The following SPRED1 variants were observed in gnomAD, a reference collection of about 807,000 sequenced individuals.
SPRED1 encodes sprouty related EVH1 domain containing 1.
In SPRED1, 18 loss-of-function variants were observed where a neutral mutation model predicts 52.3. That is an observed-to-expected ratio of 0.34 (90% CI 0.24 to 0.51). The LOEUF (loss-of-function observed/expected upper bound fraction) is 0.51. Among genes scored for constraint, SPRED1 ranks in the 20% least tolerant of loss-of-function variants. The pLI, the probability that SPRED1 is intolerant of heterozygous loss-of-function variation, is 0.97. For missense variants in SPRED1, 485 were observed against 551.0 expected (o/e 0.88, Z 1.20); for synonymous variants, 155 against 179.7 (o/e 0.86, Z 1.10).
intron 1 of SPRED1, among the ~76,000 whole-genome samples, chr15:38,272,522 A>G (rs1404983061): frequency 6.6e-6 from 1 of 152,112 alleles, no homozygotes; most frequent in Admixed American, 6.5e-5. Flanking sequence ...TGCCTGCTTC[A>G]GCCTTCCAAA....
At chr15:38,300,361 A>G (rs1214697013) in intron 2 of SPRED1, among the ~76,000 whole-genome samples, 1 of 152,198 alleles carries the variant, frequency 6.6e-6, no homozygotes. Flanking sequence ...ATAAAGTCCC[A>G]AAATAGAGCC....
chr15:38,331,317 T>C (rs546734476), intron 4 of SPRED1, among the ~76,000 whole-genome samples: 16 of 152,250 alleles, frequency 1.1e-4, no homozygotes, highest in Admixed American at 9.8e-4. Flanking sequence ...GTATTTACAG[T>C]CTTTGTGCCT....
chr15:38,270,686 G>T (rs184811982), intron 1 of SPRED1, among the ~76,000 whole-genome samples: 278 of 152,236 alleles, frequency 1.8e-3, no homozygotes, highest in African/African-American at 6.4e-3. Flanking sequence ...TTCAACACAT[G>T]GGGATTACAT....
intron 1 of SPRED1, among the ~76,000 whole-genome samples, chr15:38,286,245 A>AAG (rs1459157071): frequency 6.6e-6 from 1 of 151,518 alleles, no homozygotes; most frequent in Non-Finnish European, 1.5e-5. Context: ...AAAAAAAAAA[A>AAG]AAAGTTTTGC....
At position 38,339,830 on chromosome 15, in the gene SPRED1, A is replaced by G. The variant is rs1060502504; in HGVS notation, c.517A>G (p.Ile173Val). The G allele has an allele frequency of 1.9e-6, 3 of 1,613,972 alleles. No homozygotes were observed. Among genetic ancestry groups the G allele is most frequent in the Non-Finnish European group, 2.5e-6 (3 of 1,179,916 alleles). Residue 173 changes from isoleucine to valine, a missense_variant, in exon 5 of 7, where the codon ATA (isoleucine) becomes GTA (valine). Ile to Val is a conservative substitution (Grantham distance 29, BLOSUM62 3). Coordinates refer to ENST00000299084, the MANE Select transcript of SPRED1 (RefSeq NM_152594.3). ...VTSEPYRSSNIRPSPFEDLNA... is the reference protein window; with the variant it reads ...VTSEPYRSSNVRPSPFEDLNA... ...CAGTGAGCCTTATAGAAGCTCAAAT[A>G]TAAGACCTTCTCCCTTTGAAGATCT...
Position 38,340,025 on chromosome 15 carries a change from A to T in SPRED1, c.582+130A>T, listed in dbSNP as rs1383187580. On this transcript the variant is annotated intron_variant, in intron 5 of 6. Transcript: ENST00000299084. The stretch of plus-strand genomic sequence containing the variant: ...AAACAAACAAACAAAAACCCCACAA[A>T]CAAAACCAGGAGAATTTGATTTATA... The T allele has an allele frequency of 1.4e-5, 16 of 1,164,068 alleles. No individual in the cohort carries two copies. The African/African-American group carries it at 2.5e-4, about 18-fold the overall frequency. 72.1% of individuals were successfully genotyped at this position (1,164,068 alleles called of 1,614,324 possible).
At chr15:38,309,899 C>A (rs1895326071) in intron 2 of SPRED1, among the ~76,000 whole-genome samples, 1 of 152,034 alleles carries the variant, frequency 6.6e-6, no homozygotes, top group Non-Finnish European at 1.5e-5. Flanking sequence ...ATCAGGTAAG[C>A]ATATTTGTGT....
At chr15:38,276,850 C>A (rs1258078605) in intron 1 of SPRED1, among the ~76,000 whole-genome samples, 1 of 152,100 alleles carries the variant, frequency 6.6e-6, no homozygotes, top group African/African-American at 2.4e-5. Flanking sequence ...CTAAAGAAGT[C>A]TTATGGCAGT....
At chr15:38,257,442 T>C (rs1314258566) in intron 1 of SPRED1, among the ~76,000 whole-genome samples, 2 of 152,176 alleles carry the variant, frequency 1.3e-5, no homozygotes, top group East Asian at 3.8e-4. Context: ...AGTAAATTAT[T>C]ACCCGTTTAA....
At chr15:38,303,357 C>T (rs920503703) in intron 2 of SPRED1, among the ~76,000 whole-genome samples, 5 of 152,084 alleles carry the variant, frequency 3.3e-5, no homozygotes, top group African/African-American at 1.2e-4. Flanking sequence ...CATTTGTGTA[C>T]ATCATAGAGT....
intron 2 of SPRED1, among the ~76,000 whole-genome samples, chr15:38,314,973 C>G (rs1345079686): frequency 6.6e-6 from 1 of 151,872 alleles, no homozygotes; most frequent in African/African-American, 2.4e-5. Context: ...AAGTCCCACT[C>G]AGCTCAGAAC....
intron 2 of SPRED1, among the ~76,000 whole-genome samples, chr15:38,303,076 C>T (rs1008018106): frequency 6.6e-6 from 1 of 151,994 alleles, no homozygotes; most frequent in African/African-American, 2.4e-5. Flanking sequence ...CCCAGCTACT[C>T]AGGAGGCTGA....
chr15:38,259,654 TAACAAG>T (rs1169017434), intron 1 of SPRED1, among the ~76,000 whole-genome samples: 1 of 152,232 alleles, frequency 6.6e-6, no homozygotes, highest in Non-Finnish European at 1.5e-5. Context: ...AGGAATATGC[TAACAAG>T]ATACCAGTCT....
intron 6 of SPRED1, among the ~76,000 whole-genome samples, chr15:38,350,183 GA>G (rs1888452473): frequency 6.6e-6 from 1 of 152,142 alleles, no homozygotes; most frequent in Admixed American, 6.5e-5. Flanking sequence ...ACAATTCTTA[GA>G]AGTTCAAGAT....
Position 38,351,554 on chromosome 15 carries a change from G to A in SPRED1, c.1225G>A (p.Ala409Thr), listed in dbSNP as rs762735151. 9 of 1,614,162 alleles carry A rather than the reference G, an allele frequency of 5.6e-6. No homozygotes were observed. The South Asian group carries it at 8.8e-5, about 16-fold the overall frequency. ...KFCLRWLALVALSFIVPCMCC... is the reference protein window; with the variant it reads ...KFCLRWLALVTLSFIVPCMCC... ...CTGCTTGCGATGGTTAGCCCTGGTA[G>A]CTTTGTCTTTCATTGTACCATGTAT... Residue 409 changes from alanine to threonine, a missense_variant, in exon 7 of 7, where the codon GCT becomes ACT. Around this residue, in one of 5 missense-constraint regions of SPRED1, gnomAD observed 205 missense variants for 245.2 expected, o/e 0.84. Coordinates refer to ENST00000299084, the MANE Select transcript of SPRED1 (RefSeq NM_152594.3).
intron 2 of SPRED1, among the ~76,000 whole-genome samples, chr15:38,306,915 T>C (rs943207528): frequency 3.3e-5 from 5 of 152,210 alleles, no homozygotes; most frequent in Non-Finnish European, 7.4e-5. Context: ...TTCCTTTCTG[T>C]AGTTACTGCT....
intron 5 of SPRED1, among the ~76,000 whole-genome samples, chr15:38,345,824 C>T (rs1298864023): frequency 6.6e-6 from 1 of 152,104 alleles, no homozygotes; most frequent in Non-Finnish European, 1.5e-5. Flanking sequence ...AGCCTGTCTC[C>T]AAAGGGGAAA....
At chr15:38,305,868 A>G (rs1030662010) in intron 2 of SPRED1, among the ~76,000 whole-genome samples, 3 of 152,196 alleles carry the variant, frequency 2.0e-5, no homozygotes, top group Non-Finnish European at 2.9e-5. Flanking sequence ...AACAATAGTT[A>G]TAAACTTAGG....
At chr15:38,266,936 CATA>C (rs1206144432) in intron 1 of SPRED1, among the ~76,000 whole-genome samples, 9 of 152,102 alleles carry the variant, frequency 5.9e-5, no homozygotes, top group Non-Finnish European at 1.2e-4. Context: ...ACATAAGAAG[CATA>C]ATTTGACTTA....
Sources: allele counts gnomAD v4.1 joint callset (sites outside exome capture counted in the v4.1 genomes callset), GRCh38; gene constraint gnomAD v4.1.1; regional missense constraint gnomAD v4.1.1; transcripts MANE v1.5; gene names NCBI Gene and HGNC (gene_info 2026-07-23, HGNC 2026-07-21).